The following CSMD1 variants were observed in gnomAD, a reference collection of about 807,000 sequenced individuals.
CSMD1 encodes the protein CUB and sushi domain-containing protein 1.
CSMD1 carries 213 observed loss-of-function variants against 417.5 expected under a neutral mutation model. That is an observed-to-expected ratio of 0.51 (90% CI 0.46 to 0.57). The LOEUF (loss-of-function observed/expected upper bound fraction) is 0.57. Among genes scored for constraint, CSMD1 ranks in the 20% least tolerant of loss-of-function variants. CSMD1 has a pLI of 0.00. For synonymous variants in CSMD1, 2,862 were observed against 1,736.8 expected, an observed-to-expected ratio of 1.65 and a Z score of -16.11; for missense variants, 6,923 against 4,529.7, an observed-to-expected ratio of 1.53 and a Z score of -15.17.
chr8:3,997,614 C>G (rs571364695), intron 5 of CSMD1, among the ~76,000 whole-genome samples: 2 of 152,208 alleles, frequency 1.3e-5, no homozygotes, highest in African/African-American at 2.4e-5. Flanking sequence ...AAACCCAAAA[C>G]TAACTCACCT....
chr8:3,826,302 G>C (rs975826895), intron 5 of CSMD1, among the ~76,000 whole-genome samples: 1 of 151,696 alleles, frequency 6.6e-6, no homozygotes, highest in South Asian at 2.1e-4. Flanking sequence ...AGGAGGTTGA[G>C]ATTGTCTTAA....
At chr8:3,166,564 T>C (rs557549951) in intron 37 of CSMD1, among the ~76,000 whole-genome samples, 11 of 152,116 alleles carry the variant, frequency 7.2e-5, no homozygotes, top group Middle Eastern at 3.4e-3. Flanking sequence ...AAAAAGAGAA[T>C]GCTAATCAAC....
chr8:4,166,051 T>A (rs921079844), intron 3 of CSMD1, among the ~76,000 whole-genome samples: 2 of 152,206 alleles, frequency 1.3e-5, no homozygotes, highest in Non-Finnish European at 2.9e-5. Flanking sequence ...ATGCTCACAC[T>A]TTAATAAGTG....
intron 8 of CSMD1, among the ~76,000 whole-genome samples, chr8:3,604,702 T>C (rs1801526115): frequency 6.6e-6 from 1 of 152,174 alleles, no homozygotes; most frequent in South Asian, 2.1e-4. Context: ...ATCTCTCCAT[T>C]ATTCTCTGCA....
chr8:3,965,084 G>T (rs985122380), intron 5 of CSMD1, among the ~76,000 whole-genome samples: 1 of 152,180 alleles, frequency 6.6e-6, no homozygotes, highest in African/African-American at 2.4e-5. Context: ...CGCCGCAGTA[G>T]CTGACTTAGT....
chr8:4,792,413 A>G (rs545387164), intron 1 of CSMD1, among the ~76,000 whole-genome samples: 5 of 152,310 alleles, frequency 3.3e-5, no homozygotes, highest in African/African-American at 9.6e-5. Flanking sequence ...TCTCTACTCA[A>G]TATTCAGCAG....
At chr8:3,302,307 ACTT>A (rs770150855) in intron 25 of CSMD1, among the ~76,000 whole-genome samples, 57 of 152,172 alleles carry the variant, frequency 3.7e-4, no homozygotes, top group African/African-American at 5.5e-4. Context: ...TTCTGGAGTC[ACTT>A]CTTCTGGAAT....
rs537826729 is a variant in CSMD1, at chr8:3,785,703, G to T, written c.819-31661C>A. ...TGGGCTGTGTGCATGGAGGAGCCAC[G>T]TGCTACCAAGAAGTGAGAGGCCCAG... On this transcript the variant is annotated intron_variant, in intron 5 of 69. Transcript: ENST00000635120. 4.6e-5 allele frequency among the ~76,000 whole-genome samples: 7 copies of T among 152,266 alleles called. No homozygotes were observed. The South Asian group carries it at 1.5e-3, about 32-fold the overall frequency.
At chr8:4,129,415 A>T (rs867563143) in intron 3 of CSMD1, among the ~76,000 whole-genome samples, 8 of 152,196 alleles carry the variant, frequency 5.3e-5, no homozygotes, top group African/African-American at 1.9e-4. Flanking sequence ...TTTCTTGGCT[A>T]ATTTCCTCTT....
intron 37 of CSMD1, among the ~76,000 whole-genome samples, chr8:3,163,913 C>A (rs1245138787): frequency 6.6e-6 from 1 of 152,158 alleles, no homozygotes; most frequent in African/African-American, 2.4e-5. Flanking sequence ...CAGAGTTGCA[C>A]AGGTCGGTGT....
At chr8:4,920,968 AAG>A (rs1806435313) in intron 1 of CSMD1, among the ~76,000 whole-genome samples, 5 of 5,826 alleles carry the variant, frequency 8.6e-4, no homozygotes, top group East Asian at 0.011. Flanking sequence ...GAAAGAAAGA[AAG>A]AAAGAAAGAA....
intron 6 of CSMD1, among the ~76,000 whole-genome samples, chr8:3,726,747 A>C (rs1267945960): frequency 6.6e-6 from 1 of 152,180 alleles, no homozygotes; most frequent in African/African-American, 2.4e-5. Context: ...TTGCCAGTCC[A>C]GTTCTCATTC....
intron 62 of CSMD1, among the ~76,000 whole-genome samples, chr8:2,959,788 T>C (rs1275900647): frequency 1.3e-5 from 2 of 152,186 alleles, no homozygotes; most frequent in Non-Finnish European, 2.9e-5. Context: ...CATTGGTTAC[T>C]TTAAAAACTA....
At chr8:4,696,500 G>A (rs1013819961) in intron 1 of CSMD1, among the ~76,000 whole-genome samples, 1 of 152,182 alleles carries the variant, frequency 6.6e-6, no homozygotes, top group African/African-American at 2.4e-5. Context: ...GAGATCTGTA[G>A]AGGAAAACAG....
intron 7 of CSMD1, among the ~76,000 whole-genome samples, chr8:3,633,435 G>A (rs967854935): frequency 1.3e-5 from 2 of 152,134 alleles, no homozygotes; most frequent in Non-Finnish European, 2.9e-5. Context: ...ACTCCCGGCA[G>A]GATAATGCAA....
intron 23 of CSMD1, among the ~76,000 whole-genome samples, chr8:3,336,239 G>A (rs1807255340): frequency 6.6e-6 from 1 of 152,076 alleles, no homozygotes; most frequent in Admixed American, 6.6e-5. Context: ...TACAATACAT[G>A]CTAATCAGTC....
At chr8:4,699,908 G>A (rs1436469860) in intron 1 of CSMD1, among the ~76,000 whole-genome samples, 1 of 152,148 alleles carries the variant, frequency 6.6e-6, no homozygotes, top group East Asian at 1.9e-4. Context: ...TCCTTTGGAA[G>A]ATTAAAATCC....
Position 4,788,450 on chromosome 8 carries a change from G to A in CSMD1, c.86-150892C>T. The stretch of plus-strand genomic sequence containing the variant: ...TGGCTGTTCAACCACACTTTCTCCA[G>A]AAGGATCAGCTCAATTTACTGCTCA... On this transcript the variant is annotated intron_variant, in intron 1 of 69. Transcript: ENST00000635120. 4.5e-6 allele frequency: 6 copies of A among 1,329,050 alleles called. No individual in the cohort carries two copies. In the Admixed American group the frequency reaches 6.8e-5, roughly 15 times the overall value. The allele number at this position is 1,329,050 out of a possible 1,614,324, so 82.3% of individuals were successfully genotyped here.
At chr8:4,320,948 C>T (rs1297249134) in intron 3 of CSMD1, among the ~76,000 whole-genome samples, 2 of 152,130 alleles carry the variant, frequency 1.3e-5, no homozygotes, top group Non-Finnish European at 2.9e-5. Flanking sequence ...GTGTGAGGTC[C>T]TAGCCACTCT....
Sources: gnomAD v4.1 joint callset for allele counts (sites outside exome capture counted in the v4.1 genomes callset) on GRCh38, gnomAD v4.1.1 for gene constraint, MANE v1.5 for transcripts, NCBI Gene and HGNC (gene_info 2026-07-23, HGNC 2026-07-21) for gene names.